The following SCARF1 variants were observed in gnomAD, a reference collection of about 807,000 sequenced individuals.
SCARF1 encodes the protein scavenger receptor class F member 1.
A neutral mutation model predicts 76.3 loss-of-function variants in SCARF1; 49 were observed. That is an observed-to-expected ratio of 0.64 (90% confidence interval 0.51 to 0.81). SCARF1 has a LOEUF of 0.81. SCARF1 is among the 40% of genes least tolerant of loss of function. SCARF1 has a pLI of 0.00. For missense variants in SCARF1, 1,098 were observed against 1,143.9 expected (o/e 0.96, Z 0.58); for synonymous variants, 495 against 474.6 (o/e 1.04, Z -0.56).
In SCARF1 at chr17:1,640,571, G is replaced by A; in HGVS notation, c.887C>T (p.Pro296Leu). 1 of 1,611,234 alleles carries A rather than the reference G, an allele frequency of 6.2e-7. No individual in the cohort carries two copies. Among genetic ancestry groups the A allele is most frequent in the South Asian group, 1.1e-5 (1 of 90,556 alleles). ...PGWNGTQCQQPCLPGTFGESC... is the reference protein window; with the variant it reads ...PGWNGTQCQQLCLPGTFGESC... ...CTCGCCAAAGGTGCCAGGCAGGCAG[G>A]GCTGCTGGCACTGGGTCCCGTTCCA... The change falls in exon 5 of 11, where the codon CCC (proline) becomes CTC (leucine). Residue 296 changes from proline (P) to leucine (L), a missense_variant. By Grantham distance (98) the Pro-to-Leu change is moderately conservative. Coordinates refer to ENST00000263071, the MANE Select transcript of SCARF1 (RefSeq NM_003693.4). The surrounding 1 kb of genome is among the most constrained non-coding windows in gnomAD (Gnocchi z 4.7).
In SCARF1 at chr17:1,643,630, G is replaced by A; in HGVS notation, c.603C>T (p.Cys201=). The change falls in exon 4 of 11, where the codon TGC becomes TGT. Residue 201 remains cysteine, a synonymous_variant. Transcript: ENST00000263071. The stretch of plus-strand genomic sequence containing the variant: ...AGGCGCAGCGGCCGGAGTCCTGCTC[G>A]CACGGGGAGCCGTGGCAGTTGCAGC... ...SFRCNCHGSP[C]EQDSGRCACR... The A allele has an allele frequency of 1.4e-6, 2 of 1,472,488 alleles. No individual in the cohort carries two copies. The highest frequency in any genetic ancestry group is 2.4e-5 in the Admixed American group (1 of 41,566). 91.2% of individuals were successfully genotyped at this position (1,472,488 alleles called of 1,614,324 possible).
intron 8 of SCARF1, among the ~76,000 whole-genome samples, chr17:1,637,748 A>C (rs1312453932): frequency 1.3e-5 from 2 of 152,174 alleles, no homozygotes. Flanking sequence ...CTGGGATTAC[A>C]GGCGTGAGTC....
At position 1,639,813 on chromosome 17, in the gene SCARF1, G is replaced by A. The variant is rs931343699; in HGVS notation, c.1140-71C>T. The A allele has an allele frequency of 3.0e-5, 48 of 1,607,662 alleles. No homozygotes were observed. In the Admixed American group the frequency reaches 7.8e-4, roughly 26 times the overall value. ...GGGAGGCAGGCAGGAGACGGGCAGG[G>A]AGATTTCTGGGCACTGTCCAGGGAA... On this transcript the variant is annotated intron_variant, in intron 6 of 10. Transcript: ENST00000263071.
chr17:1,635,675 T>C lies in SCARF1; in HGVS notation c.1634-58A>G, dbSNP rs915133395. On this transcript the variant is annotated intron_variant, in intron 10 of 10. Transcript: ENST00000263071. ...CTGAACTGGCCACCCCAATGCATCC[T>C]ACCCACAGCTCAGCATCTTCCAGGA... is the stretch of plus-strand genomic sequence containing the variant. 3 of 1,530,202 alleles carry C rather than the reference T, an allele frequency of 2.0e-6. No individual in the cohort carries two copies. The Admixed American group carries it at 5.9e-5, about 30-fold the overall frequency. The allele number at this position is 1,530,202 out of a possible 1,614,324, so 94.8% of individuals were successfully genotyped here. A position where few individuals can be genotyped will look rare whatever the true frequency, so the allele number is the denominator to read the frequency against.
chr17:1,634,772 G>A lies in SCARF1; in HGVS notation c.2479C>T (p.Pro827Ser). 1 of 1,595,074 alleles carries A rather than the reference G, an allele frequency of 6.3e-7. No individual in the cohort carries two copies. The highest frequency in any genetic ancestry group is 8.6e-7 in the Non-Finnish European group (1 of 1,167,352). Reference sequence around the variant, plus strand: ...ATTCAAGGTCATCAGGGTTCTGGTGGCCTGGAGATGGGTACAACATTCTCA... The same window carrying A: ...ATTCAAGGTCATCAGGGTTCTGGTGACCTGGAGATGGGTACAACATTCTCA... ...EYENVVPISR[P>S]PEP The change falls in exon 11 of 11, where the codon CCA (proline) becomes TCA (serine). Residue 827 changes from proline (P) to serine (S), a missense_variant. Transcript: ENST00000263071.
Position 1,643,614 on chromosome 17 carries a change from G to C in SCARF1, c.619C>G (p.Arg207Gly). Residue 207 changes from arginine to glycine, a missense_variant, in exon 4 of 11, where the codon CGC (arginine) becomes GGC (glycine). Coordinates refer to ENST00000263071, the MANE Select transcript of SCARF1 (RefSeq NM_003693.4). ...HGSPCEQDSG[R>G]CACRPGWWGP... ...CACCAGCCCGGCCGGCAGGCGCAGC[G>C]GCCGGAGTCCTGCTCGCACGGGGAG... The C allele has an allele frequency of 6.8e-7, 1 of 1,473,060 alleles. No homozygotes were observed. Among genetic ancestry groups the C allele is most frequent in the Admixed American group, 2.4e-5 (1 of 41,858 alleles). The allele number at this position is 1,473,060 out of a possible 1,614,324, so 91.2% of individuals were successfully genotyped here. A position where few individuals can be genotyped will look rare whatever the true frequency, so the allele number is the denominator to read the frequency against.
chr17:1,634,388 C>CAAAA lies in SCARF1; in HGVS notation c.*366_*369dup. The CAAAA allele has an allele frequency of 3.0e-6, 1 of 329,194 alleles. No individual in the cohort carries two copies. The highest frequency in any genetic ancestry group is 5.3e-6 in the Non-Finnish European group (1 of 187,774). The allele number at this position is 329,194 out of a possible 1,614,324, so 20.4% of individuals were successfully genotyped here. A position where few individuals can be genotyped will look rare whatever the true frequency, so the allele number is the denominator to read the frequency against. ...TGGGGGACAGAGGGAGATTCTGTCT[C>CAAAA]AAAAAAAAAAAAAAAAATTTGTTTA... is the stretch of plus-strand genomic sequence containing the variant. On this transcript the variant is annotated 3_prime_UTR_variant, in exon 11 of 11. Transcript: ENST00000263071.
rs1910319313 is a variant in SCARF1, at chr17:1,643,971, CG to C, written c.266-5del. On this transcript the variant is annotated splice_region_variant and splice_polypyrimidine_tract_variant and intron_variant, in intron 3 of 10. Coordinates refer to ENST00000263071, the MANE Select transcript of SCARF1 (RefSeq NM_003693.4). ...CCCCAGTACTGGCCCGGGCAGCCTG[CG>C]GGGGTGGGGACGGGAGGGGTCAGCG... 2 of 1,171,854 alleles carry C rather than the reference CG, an allele frequency of 1.7e-6. No individual in the cohort carries two copies. Among genetic ancestry groups the C allele is most frequent in the Non-Finnish European group, 2.2e-6 (2 of 915,696 alleles). 72.6% of individuals were successfully genotyped at this position (1,171,854 alleles called of 1,614,324 possible).
Position 1,640,517 on chromosome 17 carries a change from C to G in SCARF1, c.941G>C (p.Arg314Pro). 6.3e-7 allele frequency: 1 copy of G among 1,592,892 alleles called. No individual in the cohort carries two copies. The highest frequency in any genetic ancestry group is 1.1e-5 in the South Asian group (1 of 88,520). The change falls in exon 5 of 11, where the codon CGA becomes CCA. Residue 314 changes from arginine (R) to proline (P), a missense_variant. Physicochemically the swap from Arg to Pro is moderately radical, Grantham distance 103. Transcript: ENST00000263071. The surrounding 1 kb of genome is among the most constrained non-coding windows in gnomAD (Gnocchi z 4.7). ...ATCTGGCTCACAGGCCTCCCCATGT[C>G]GGCAGTGAGGGCACTGCTGTTCGCA... ...ESCEQQCPHCRHGEACEPDTG... is the reference protein window; with the variant it reads ...ESCEQQCPHCPHGEACEPDTG...
chr17:1,639,793 G>GCAGGCAGGAGA (rs1909882518), intron 6 of SCARF1, 51 bp from the exon 7 acceptor site: 1 of 1,603,598 alleles, frequency 6.2e-7, no homozygotes, highest in African/African-American at 1.3e-5. Flanking sequence ...AGTGGGGGAG[G>GCAGGCAGGAGA]CAGGCAGGAG....
chr17:1,642,849 T>C (rs1910162979), intron 4 of SCARF1, among the ~76,000 whole-genome samples: 1 of 152,136 alleles, frequency 6.6e-6, no homozygotes, highest in South Asian at 2.1e-4. Context: ...TACCTGGGAC[T>C]ACAGGCGCAG....
chr17:1,638,759 C>T, intron 8 of SCARF1, 47 bp downstream of exon 8: 1 of 1,535,056 alleles, frequency 6.5e-7, no homozygotes, highest in Non-Finnish European at 8.8e-7. Flanking sequence ...CCCCTGCTCC[C>T]ACCCTGTGGC....
At position 1,635,555 on chromosome 17, in the gene SCARF1, G is replaced by T. The variant is rs998868132; in HGVS notation, c.1696C>A (p.Pro566Thr). 1.2e-6 allele frequency: 2 copies of T among 1,611,510 alleles called. No homozygotes were observed. The highest frequency in any genetic ancestry group is 1.7e-6 in the Non-Finnish European group (2 of 1,179,996). Residue 566 changes from proline to threonine, a missense_variant, in exon 11 of 11, where the codon CCC (proline) becomes ACC (threonine). Physicochemically the swap from Pro to Thr is conservative, Grantham distance 38 (BLOSUM62 -1). Coordinates refer to ENST00000263071, the MANE Select transcript of SCARF1 (RefSeq NM_003693.4). ...AATGGCGTGGAGGCGTCCTCAGGGG[G>T]CGGGAAAGCACCTGCAGCCAGGCTG... ...EASLAAGAFP[P>T]PEDASTPFAI...
At position 1,644,523 on chromosome 17, in the gene SCARF1, G is replaced by A. The variant is rs761417015; in HGVS notation, c.265+311C>T. On this transcript the variant is annotated intron_variant, in intron 3 of 10. Coordinates refer to ENST00000263071, the MANE Select transcript of SCARF1 (RefSeq NM_003693.4). This position sits in a 1 kb window ranked among gnomAD's most constrained non-coding sequence, Gnocchi z 4.8. ...CCTTCCATCCACTGCCCATGTATAA[G>A]GTATATGTGGGAAAGGCAAGTAATA... 12 of 504,182 alleles carry A rather than the reference G, an allele frequency of 2.4e-5. No individual in the cohort carries two copies. Among genetic ancestry groups the A allele is most frequent in the Non-Finnish European group, 4.3e-5 (12 of 280,690 alleles). 31.2% of individuals were successfully genotyped at this position (504,182 alleles called of 1,614,324 possible). A position where few individuals can be genotyped will look rare whatever the true frequency, so the allele number is the denominator to read the frequency against.
Position 1,640,309 on chromosome 17 carries a change from C to A in SCARF1, c.1010+139G>T. 5.7e-6 allele frequency: 5 copies of A among 875,466 alleles called. No individual in the cohort carries two copies. The South Asian group carries it at 8.7e-5, about 15-fold the overall frequency. The allele number at this position is 875,466 out of a possible 1,614,324, so 54.2% of individuals were successfully genotyped here. A position where few individuals can be genotyped will look rare whatever the true frequency, so the allele number is the denominator to read the frequency against. On this transcript the variant is annotated intron_variant, in intron 5 of 10. Transcript: ENST00000263071. The surrounding 1 kb of genome is among the most constrained non-coding windows in gnomAD (Gnocchi z 4.7). ...GGCCCCCCCAGAACCCACTGCTCTC[C>A]CCCAGTCTTCAACAGGAGGGAGGCC... is the stretch of plus-strand genomic sequence containing the variant.
chr17:1,637,626 C>T (rs1251763908), intron 8 of SCARF1, among the ~76,000 whole-genome samples: 1 of 152,168 alleles, frequency 6.6e-6, no homozygotes, highest in African/African-American at 2.4e-5. Flanking sequence ...GCGTGCACCA[C>T]CACACCCGGC....
Position 1,645,721 on chromosome 17 carries a change from T to C in SCARF1, c.-24A>G, listed in dbSNP as rs1295575216. On this transcript the variant is annotated 5_prime_UTR_variant, in exon 1 of 11. Transcript: ENST00000263071. This position sits in a 1 kb window ranked among gnomAD's most constrained non-coding sequence, Gnocchi z 6.3. ...ATGGCAGGCAGCTCGGTGGGAGCGC[T>C]CGGGTTCGTCTGGCCCCCACAGCTC... 1.9e-6 allele frequency: 3 copies of C among 1,571,908 alleles called. No homozygotes were observed. Among genetic ancestry groups the C allele is most frequent in the Non-Finnish European group, 2.6e-6 (3 of 1,163,130 alleles).
At chr17:1,638,747 C>T in intron 8 of SCARF1, 59 bp downstream of exon 8, 1 of 1,474,502 alleles carries the variant, frequency 6.8e-7, no homozygotes. Flanking sequence ...AAACCAGATG[C>T]CCCCCTGCTC....
In SCARF1 at chr17:1,636,816, A is replaced by G. The variant is rs1909604543; in HGVS notation, c.1526T>C (p.Phe509Ser). 1 of 1,613,810 alleles carries G rather than the reference A, an allele frequency of 6.2e-7. No homozygotes were observed. Among genetic ancestry groups the G allele is most frequent in the Admixed American group, 1.7e-5 (1 of 59,962 alleles). The change falls in exon 10 of 11, where the codon TTC (phenylalanine) becomes TCC (serine). Residue 509 changes from phenylalanine (F) to serine (S), a missense_variant. Phe to Ser is a radical substitution (Grantham distance 155). Transcript: ENST00000263071. ...HDPEVPFNHS[F>S]IEPPSAGWAT... ...CCAGCCGGCAGAGGGCGGCTCGATG[A>G]AGCTGTGGTTGAAGGGGACCTCCGG... is the stretch of plus-strand genomic sequence containing the variant.
Sources: allele counts gnomAD v4.1 joint callset (sites outside exome capture counted in the v4.1 genomes callset), GRCh38; gene constraint gnomAD v4.1.1; non-coding constraint Gnocchi (gnomAD v3.1); transcripts MANE v1.5; gene names NCBI Gene and HGNC (gene_info 2026-07-23, HGNC 2026-07-21).